Variants in SUSD5 observed in about 807,000 individuals in gnomAD.
SUSD5 encodes sushi domain containing 5, also known as sushi domain-containing protein 5.
A neutral mutation model predicts 29.5 loss-of-function variants in SUSD5; 33 were observed. That is an observed-to-expected ratio of 1.12 (90% CI 0.85 to 1.49). The LOEUF is 1.49. SUSD5 is among the 40% of genes most tolerant of loss of function. The pLI, the probability that SUSD5 is intolerant of heterozygous loss-of-function variation, is 0.00. For synonymous variants in SUSD5, 308 were observed against 325.3 expected, an observed-to-expected ratio of 0.95 and a Z score of 0.57; for missense variants, 776 against 800.6, an observed-to-expected ratio of 0.97 and a Z score of 0.37.
At chr3:33,208,429 T>C (rs1477773162) in intron 2 of SUSD5, among the ~76,000 whole-genome samples, 1 of 152,190 alleles carries the variant, frequency 6.6e-6, no homozygotes, top group African/African-American at 2.4e-5. Context: ...TATTTAAGGA[T>C]ATCTTTTCTA....
At chr3:33,178,320 G>A (rs1050201270) in intron 3 of SUSD5, among the ~76,000 whole-genome samples, 5 of 152,020 alleles carry the variant, frequency 3.3e-5, no homozygotes, top group African/African-American at 1.2e-4. Context: ...TGCACACCTG[G>A]GATAAATCCC....
rs2030935220 is a variant in SUSD5, at chr3:33,152,797, A to G, written c.1835T>C (p.Val612Ala). 25 of 1,613,844 alleles carry G rather than the reference A, an allele frequency of 1.5e-5. No individual in the cohort carries two copies. In the South Asian group the frequency reaches 2.0e-4, roughly 13 times the overall value. ...QHKSSVYKLNVGQRQARHYHQ... is the reference protein window; with the variant it reads ...QHKSSVYKLNAGQRQARHYHQ... Reference sequence around the variant, plus strand: ...GTAGTGCCGAGCCTGCCGCTGGCCAACATTCAGCTTGTACACAGAGCTCTT... The same window carrying G: ...GTAGTGCCGAGCCTGCCGCTGGCCAGCATTCAGCTTGTACACAGAGCTCTT... The change falls in exon 5 of 5, where the codon GTT becomes GCT. Residue 612 changes from valine (V) to alanine (A), a missense_variant. By Grantham distance (64) the Val-to-Ala change is moderately conservative (BLOSUM62 0). Coordinates refer to ENST00000309558, the MANE Select transcript of SUSD5 (RefSeq NM_015551.2).
Position 33,154,046 on chromosome 3 carries a change from AG to A in SUSD5, c.599-14del, listed in dbSNP as rs2030992030. The A allele has an allele frequency of 1.3e-6, 2 of 1,558,806 alleles. No homozygotes were observed. The highest frequency in any genetic ancestry group is 8.6e-7 in the Non-Finnish European group (1 of 1,157,958). On this transcript the variant is annotated splice_polypyrimidine_tract_variant and intron_variant, in intron 4 of 4. Coordinates refer to ENST00000309558, the MANE Select transcript of SUSD5 (RefSeq NM_015551.2). Reference sequence around the variant, plus strand: ...GCCTCAGCCTCATCTGGAAGAAAAGAGGGAAAAAACCTCATTAGCTCCAAAG... The same window carrying A: ...GCCTCAGCCTCATCTGGAAGAAAAGAGGAAAAAACCTCATTAGCTCCAAAG...
At position 33,218,715 on chromosome 3, in the gene SUSD5, C is replaced by T. The variant is rs1237435813; in HGVS notation, c.83G>A (p.Gly28Asp). 1.1e-5 allele frequency: 15 copies of T among 1,329,286 alleles called. No individual in the cohort carries two copies. The highest frequency in any genetic ancestry group is 5.1e-4 in the Middle Eastern group (2 of 3,890). 82.3% of individuals were successfully genotyped at this position (1,329,286 alleles called of 1,614,324 possible). The change falls in exon 1 of 5, where the codon GGT becomes GAT. Residue 28 changes from glycine to aspartate, a missense_variant. Gly to Asp is a moderately conservative substitution (Grantham distance 94, BLOSUM62 -1). Transcript: ENST00000309558. ...GLWAAALLLL[G>D]LPRLSVRADG... ...CGCCCGCACCGAAAGGCGCGGCAGA[C>T]CGAGCAGGAGCAGCGCCGCCGCCCA...
intron 4 of SUSD5, among the ~76,000 whole-genome samples, chr3:33,161,457 GAA>G (rs1471761603): frequency 6.7e-6 from 1 of 148,528 alleles, no homozygotes; most frequent in African/African-American, 2.5e-5. Flanking sequence ...GGAAAGCAGA[GAA>G]AAAGGAACAA....
At chr3:33,193,995 C>T (rs138389231) in intron 3 of SUSD5, among the ~76,000 whole-genome samples, 1,532 of 152,280 alleles carry the variant, frequency 0.01, 21 homozygotes, top group Non-Finnish European at 0.012. Context: ...AGGTTCCTAT[C>T]CTCCCCAGTC....
chr3:33,210,557 C>A (rs975451651), intron 2 of SUSD5, among the ~76,000 whole-genome samples: 11 of 152,186 alleles, frequency 7.2e-5, no homozygotes, highest in Non-Finnish European at 1.5e-4. Flanking sequence ...TATGTGTACA[C>A]TCAACATAAA....
intron 3 of SUSD5, among the ~76,000 whole-genome samples, chr3:33,203,567 G>A (rs1479098733): frequency 6.6e-6 from 1 of 152,298 alleles, no homozygotes. Context: ...TTTTCAAATG[G>A]CATCCAGTCT....
chr3:33,203,325 C>A (rs1417979300), intron 3 of SUSD5, among the ~76,000 whole-genome samples: 1 of 147,254 alleles, frequency 6.8e-6, no homozygotes, highest in East Asian at 2.1e-4. Flanking sequence ...TCTGTTAAGC[C>A]CCAGGAGAAC....
At chr3:33,185,174 G>A (rs1196865809) in intron 3 of SUSD5, among the ~76,000 whole-genome samples, 1 of 152,196 alleles carries the variant, frequency 6.6e-6, no homozygotes, top group African/African-American at 2.4e-5. Flanking sequence ...AGAGAGGATG[G>A]CTACAGGGAG....
Position 33,174,980 on chromosome 3 carries a change from G to A in SUSD5, c.504C>T (p.Ala168=), listed in dbSNP as rs1280652996. ...EMGDELLYVC[A]PGHIMGHRET... is the part of the protein sequence containing the mutation. ...CCCGGTGGCCCATGATGTGGCCTGGGGCACACACGTACAGCAGTTCATCCC... is the reference window on the plus strand; with the variant it reads ...CCCGGTGGCCCATGATGTGGCCTGGAGCACACACGTACAGCAGTTCATCCC... The change falls in exon 4 of 5, where the codon GCC becomes GCT. Residue 168 remains alanine (A), a synonymous_variant. Coordinates refer to ENST00000309558, the MANE Select transcript of SUSD5 (RefSeq NM_015551.2). 1.2e-6 allele frequency: 2 copies of A among 1,614,024 alleles called. No individual in the cohort carries two copies. The highest frequency in any genetic ancestry group is 4.5e-5 in the East Asian group (2 of 44,878).
intron 4 of SUSD5, among the ~76,000 whole-genome samples, chr3:33,156,941 C>G (rs77182758): frequency 0.024 from 3,666 of 152,292 alleles, 159 homozygotes; most frequent in African/African-American, 0.082. Context: ...TGACAAATAT[C>G]AAATGCATGC....
chr3:33,189,086 C>T (rs2031834332), intron 3 of SUSD5, among the ~76,000 whole-genome samples: 1 of 152,156 alleles, frequency 6.6e-6, no homozygotes, highest in African/African-American at 2.4e-5. Flanking sequence ...TGCAAATAAA[C>T]CCTGCGTCAA....
In SUSD5 at chr3:33,174,958, G is replaced by A. The variant is rs760374091; in HGVS notation, c.526C>T (p.Arg176Trp). ...CATAGCAAGGTGAAGGCGGTCTCCC[G>A]GTGGCCCATGATGTGGCCTGGGGCA... is the stretch of plus-strand genomic sequence containing the variant. ...VCAPGHIMGH[R>W]ETAFTLLCNS... is the part of the protein sequence containing the mutation. The change falls in exon 4 of 5, where the codon CGG (arginine) becomes TGG (tryptophan). Residue 176 changes from arginine to tryptophan, a missense_variant. Arg to Trp is a moderately radical substitution (Grantham distance 101). Coordinates refer to ENST00000309558, the MANE Select transcript of SUSD5 (RefSeq NM_015551.2). 45 of 1,613,980 alleles carry A rather than the reference G, an allele frequency of 2.8e-5. No homozygotes were observed. Among genetic ancestry groups the A allele is most frequent in the Non-Finnish European group, 3.5e-5 (41 of 1,179,882 alleles).
chr3:33,202,679 C>A (rs968098441), intron 3 of SUSD5, among the ~76,000 whole-genome samples: 2 of 152,096 alleles, frequency 1.3e-5, no homozygotes, highest in African/African-American at 4.8e-5. Context: ...AGAAGCAAAG[C>A]CAGAAGACCC....
intron 4 of SUSD5, among the ~76,000 whole-genome samples, chr3:33,155,260 T>C (rs527795266): frequency 6.6e-6 from 1 of 152,214 alleles, no homozygotes; most frequent in African/African-American, 2.4e-5. Flanking sequence ...CATAGAAAAA[T>C]TGGCAAGATA....
At chr3:33,199,217 C>CAT (rs1367274199) in intron 3 of SUSD5, among the ~76,000 whole-genome samples, 3 of 83,904 alleles carry the variant, frequency 3.6e-5, no homozygotes, top group South Asian at 8.6e-4. Context: ...GAGAATTTCA[C>CAT]ACACACACAC....
At chr3:33,181,422 C>G (rs1357353127) in intron 3 of SUSD5, among the ~76,000 whole-genome samples, 2 of 147,212 alleles carry the variant, frequency 1.4e-5, no homozygotes, top group African/African-American at 5.0e-5. Context: ...GATAAAATCT[C>G]ACTCTGTTGC....
In SUSD5 at chr3:33,153,923, G is replaced by T. The variant is rs1471557907; in HGVS notation, c.709C>A (p.Gln237Lys). Reference protein sequence around the residue: ...SRTEADEDRGQGDSSEEAPKQ... With the variant: ...SRTEADEDRGKGDSSEEAPKQ... ...GGAGCCTCCTCAGAGGAGTCTCCCT[G>T]ACCCCTGTCCTCATCTGCCTCTGTC... Residue 237 changes from glutamine (Q) to lysine (K), a missense_variant, in exon 5 of 5, where the codon CAG becomes AAG. Coordinates refer to ENST00000309558, the MANE Select transcript of SUSD5 (RefSeq NM_015551.2). 2 of 1,613,774 alleles carry T rather than the reference G, an allele frequency of 1.2e-6. No homozygotes were observed. Among genetic ancestry groups the T allele is most frequent in the Non-Finnish European group, 1.7e-6 (2 of 1,179,894 alleles).
Sources: gnomAD v4.1 joint callset for allele counts (sites outside exome capture counted in the v4.1 genomes callset) on GRCh38, gnomAD v4.1.1 for gene constraint, MANE v1.5 for transcripts, NCBI Gene and HGNC (gene_info 2026-07-23, HGNC 2026-07-21) for gene names.